MAP3K13: variants seen among roughly 807,000 people sequenced by gnomAD.
The protein encoded by MAP3K13 is leucine zipper-bearing kinase.
In MAP3K13, 52 loss-of-function variants were observed where a neutral mutation model predicts 104.0. The observed-to-expected ratio is 0.50, with a 90% CI of 0.40 to 0.63. The LOEUF (loss-of-function observed/expected upper bound fraction) is 0.63, where lower values mean the gene tolerates loss of function less well. Among genes scored for constraint, MAP3K13 ranks in the 20% least tolerant of loss-of-function variants. The probability of loss-of-function intolerance (pLI) is 0.00; values close to 1 mark genes in which losing one functional copy is unlikely to be tolerated. For synonymous variants in MAP3K13, 394 were observed against 442.2 expected (o/e 0.89, Z 1.37); for missense variants, 914 against 1,218.5 (o/e 0.75, Z 3.72).
chr3:185,402,496 G>A (rs1297065216), intron 1 of MAP3K13, among the ~76,000 whole-genome samples: 1 of 152,104 alleles, frequency 6.6e-6, no homozygotes, highest in East Asian at 1.9e-4. Flanking sequence ...GTCTGTTTAA[G>A]AAGTCAAGCT....
intron 2 of MAP3K13, among the ~76,000 whole-genome samples, chr3:185,314,469 A>C (rs989217192): frequency 6.6e-6 from 1 of 152,026 alleles, no homozygotes; most frequent in Non-Finnish European, 1.5e-5. Context: ...TACAAAAATT[A>C]GCTGGGCATC....
chr3:185,362,154 T>C (rs754549566), upstream of MAP3K13, among the ~76,000 whole-genome samples: 14 of 152,226 alleles, frequency 9.2e-5, no homozygotes, highest in Non-Finnish European at 1.8e-4. Context: ...ACGATCGTTC[T>C]AGTTTCAAGG....
At position 185,485,680 on chromosome 3, in the gene MAP3K13, G is replaced by A. The variant is rs117996378; in HGVS notation, c.*3224G>A. The A allele has an allele frequency of 2.0e-5, 3 of 151,926 alleles. No individual in the cohort carries two copies. The East Asian group carries it at 5.8e-4, about 29-fold the overall frequency. The allele number at this position is 151,926 out of a possible 1,614,324, so 9.4% of individuals were successfully genotyped here. ...AATAGCCCCAAAGGGCAAGAGTGCTGTGCCTAATTTACAAATTAAATTTTA... is the reference window on the plus strand; with the variant it reads ...AATAGCCCCAAAGGGCAAGAGTGCTATGCCTAATTTACAAATTAAATTTTA... On this transcript the variant is annotated 3_prime_UTR_variant, in exon 14 of 14. Coordinates refer to ENST00000265026, the MANE Select transcript of MAP3K13 (RefSeq NM_004721.5).
intron 3 of MAP3K13, among the ~76,000 whole-genome samples, chr3:185,442,245 T>C (rs1715367917): frequency 1.3e-5 from 2 of 151,718 alleles, no homozygotes; most frequent in Non-Finnish European, 1.5e-5. Context: ...TAAGCATGAC[T>C]GGGTGTTCCC....
rs550469022 is a variant in MAP3K13, at chr3:185,411,303, C to A, written c.-85-17194C>A. 5.9e-5 allele frequency among the ~76,000 whole-genome samples: 9 copies of A among 152,250 alleles called. No individual in the cohort carries two copies. In the East Asian group the frequency reaches 1.5e-3, roughly 26 times the overall value. ...TTGCACATAGCCAGAATGTACGTCA[C>A]AAAACCCATGTACAAAACCTCACAG... On this transcript the variant is annotated intron_variant, in intron 1 of 13. Coordinates refer to ENST00000265026, the MANE Select transcript of MAP3K13 (RefSeq NM_004721.5).
At chr3:185,285,435 G>C in intron 1 of MAP3K13, 1 of 477,880 alleles carries the variant, frequency 2.1e-6, no homozygotes, top group Non-Finnish European at 3.8e-6. Context: ...CTAAATGTCT[G>C]TGTAGTATAA....
intron 4 of MAP3K13, among the ~76,000 whole-genome samples, chr3:185,446,784 G>T (rs1229416697): frequency 6.6e-6 from 1 of 152,212 alleles, no homozygotes; most frequent in Admixed American, 6.5e-5. Flanking sequence ...CATTTAAACA[G>T]TGTTTTAAAA....
chr3:185,436,890 A>C (rs776281201), intron 2 of MAP3K13, among the ~76,000 whole-genome samples: 6 of 149,574 alleles, frequency 4.0e-5, no homozygotes, highest in Non-Finnish European at 7.4e-5. Flanking sequence ...AATCCCAGCT[A>C]CTTGGGAGGC....
intron 1 of MAP3K13, among the ~76,000 whole-genome samples, chr3:185,380,193 A>G (rs985642532): frequency 6.7e-6 from 1 of 148,878 alleles, no homozygotes; most frequent in South Asian, 2.1e-4. Flanking sequence ...CTCAAAAAAC[A>G]AAACAAAACA....
At chr3:185,453,800 T>TATATATATATGATACATATATATG (rs1716033504) in intron 7 of MAP3K13, among the ~76,000 whole-genome samples, 2 of 48,650 alleles carry the variant, frequency 4.1e-5, no homozygotes, top group East Asian at 5.7e-4. Context: ...ATATATGAGA[T>TATATATATATGATACATATATATG]ATATATATAT....
chr3:185,404,968 T>A (rs1713031024), intron 1 of MAP3K13, among the ~76,000 whole-genome samples: 1 of 152,254 alleles, frequency 6.6e-6, no homozygotes, highest in African/African-American at 2.4e-5. Flanking sequence ...TAGTTTGTAC[T>A]GGCCCTGCAA....
chr3:185,390,585 T>C (rs1257897720), intron 1 of MAP3K13, among the ~76,000 whole-genome samples: 1 of 152,100 alleles, frequency 6.6e-6, no homozygotes, highest in Non-Finnish European at 1.5e-5. Flanking sequence ...TTCAGCTTTA[T>C]CTCCTAAGTT....
chr3:185,289,966 A>G (rs1434760948), intron 2 of MAP3K13, among the ~76,000 whole-genome samples: 2 of 152,318 alleles, frequency 1.3e-5, no homozygotes, highest in Admixed American at 6.5e-5. Flanking sequence ...TCTGGGCTCC[A>G]GTCTATTAAT....
At chr3:185,355,929 A>G (rs1723333730) in intron 2 of MAP3K13, among the ~76,000 whole-genome samples, 1 of 152,238 alleles carries the variant, frequency 6.6e-6, no homozygotes. Flanking sequence ...GCTGTGCTAT[A>G]CCTGTAATTA....
At chr3:185,376,609 G>A (rs1265100855) in intron 1 of MAP3K13, among the ~76,000 whole-genome samples, 5 of 152,112 alleles carry the variant, frequency 3.3e-5, no homozygotes, top group Non-Finnish European at 7.3e-5. Context: ...GGAATGGAAA[G>A]GGGAGTAGGG....
rs1390785893 is a variant in MAP3K13, at chr3:185,455,539, T to G, written c.1278+4144T>G. Reference sequence around the variant, plus strand: ...ATATATATGATATATATGAGATATATATGACATATATATGATATATATGAG... The same window carrying G: ...ATATATATGATATATATGAGATATAGATGACATATATATGATATATATGAG... On this transcript the variant is annotated intron_variant, in intron 7 of 13. Coordinates refer to ENST00000265026, the MANE Select transcript of MAP3K13 (RefSeq NM_004721.5). Among the ~76,000 whole-genome samples, 189 of 49,132 alleles carry G rather than the reference T, an allele frequency of 3.8e-3. 48 individuals carry two copies. Among genetic ancestry groups the G allele is most frequent in the African/African-American group, 8.1e-3 (174 of 21,462 alleles). The allele number at this position is 49,132 out of a possible 152,430, so 32.2% of individuals were successfully genotyped here. A position where few individuals can be genotyped will look rare whatever the true frequency, so the allele number is the denominator to read the frequency against.
At chr3:185,335,175 T>A (rs1722436950) in intron 2 of MAP3K13, among the ~76,000 whole-genome samples, 1 of 152,208 alleles carries the variant, frequency 6.6e-6, no homozygotes, top group African/African-American at 2.4e-5. Context: ...TATGTTAATG[T>A]TTCTAGTAAG....
chr3:185,309,528 A>G (rs1433344558), intron 2 of MAP3K13, among the ~76,000 whole-genome samples: 5 of 118,208 alleles, frequency 4.2e-5, no homozygotes, highest in African/African-American at 1.5e-4. Flanking sequence ...AAAAAAAAAA[A>G]AAGAAAGAAA....
rs1159258844 is a variant in MAP3K13 at position 185,482,898 on chromosome 3, G to A, written c.*442G>A. On this transcript the variant is annotated 3_prime_UTR_variant, in exon 14 of 14. Coordinates refer to ENST00000265026, the MANE Select transcript of MAP3K13 (RefSeq NM_004721.5). This position sits in a 1 kb window ranked among gnomAD's most constrained non-coding sequence, Gnocchi z 4.5. ...CATCCTTGGGAATTTGTGGGGCCGG[G>A]AGGTATTATTGCTGCTTGAACAGGG... 2 of 234,858 alleles carry A rather than the reference G, an allele frequency of 8.5e-6. No individual in the cohort carries two copies. The highest frequency in any genetic ancestry group is 1.7e-5 in the Non-Finnish European group (2 of 119,470). The allele number at this position is 234,858 out of a possible 1,614,324, so 14.5% of individuals were successfully genotyped here. A position where few individuals can be genotyped will look rare whatever the true frequency, so the allele number is the denominator to read the frequency against.
Sources: allele counts gnomAD v4.1 joint callset (sites outside exome capture counted in the v4.1 genomes callset), GRCh38; gene constraint gnomAD v4.1.1; non-coding constraint Gnocchi (gnomAD v3.1); transcripts MANE v1.5; gene names NCBI Gene and HGNC (gene_info 2026-07-23, HGNC 2026-07-21).